Variants in ITIH5 observed in about 807,000 individuals in gnomAD.
The protein encoded by ITIH5 is inter-alpha-trypsin inhibitor heavy chain 5, also known as inter-alpha-trypsin inhibitor heavy chain H5.
A neutral mutation model predicts 77.5 loss-of-function variants in ITIH5; 65 were observed. The observed-to-expected ratio is 0.84, with a 90% CI of 0.69 to 1.03. The LOEUF is 1.03. ITIH5 is among the 50% of genes least tolerant of loss of function. The pLI is 0.00. For synonymous variants in ITIH5, 525 were observed against 494.3 expected (o/e 1.06, Z -0.82); for missense variants, 1,208 against 1,213.1 (o/e 1.00, Z 0.06).
intron 2 of ITIH5, among the ~76,000 whole-genome samples, chr10:7,646,390 A>G (rs1293658127): frequency 6.6e-6 from 1 of 152,236 alleles, no homozygotes; most frequent in African/African-American, 2.4e-5. Flanking sequence ...CATTTCCCAG[A>G]GACAATGTTT....
intron 5 of ITIH5, chr10:7,619,662 CA>C: frequency 3.4e-6 from 1 of 294,916 alleles, no homozygotes; most frequent in South Asian, 2.8e-5. Context: ...TACAAGGCGG[CA>C]GGAGCGAGAG....
intron 7 of ITIH5, among the ~76,000 whole-genome samples, chr10:7,604,467 C>T (rs1007511431): frequency 6.6e-6 from 1 of 152,208 alleles, no homozygotes; most frequent in African/African-American, 2.4e-5. Flanking sequence ...ACACGCTCCG[C>T]GTTTTCCTTC....
At chr10:7,663,293 C>T (rs904687159) in intron 1 of ITIH5, among the ~76,000 whole-genome samples, 1 of 152,298 alleles carries the variant, frequency 6.6e-6, no homozygotes, top group African/African-American at 2.4e-5. Flanking sequence ...TAGTCAGAGA[C>T]TTAACTAGGC....
chr10:7,591,983 G>A (rs558370457), intron 7 of ITIH5, among the ~76,000 whole-genome samples: 55 of 152,226 alleles, frequency 3.6e-4, no homozygotes, highest in African/African-American at 1.2e-3. Flanking sequence ...CAATTCTCCC[G>A]CCTCAGCCTC....
At chr10:7,635,216 T>G (rs192623372) in intron 5 of ITIH5, among the ~76,000 whole-genome samples, 2 of 152,356 alleles carry the variant, frequency 1.3e-5, no homozygotes, top group East Asian at 3.9e-4. Flanking sequence ...ATGATCTTAT[T>G]ACAGAGGTAA....
chr10:7,577,891 T>C (rs1288062374), intron 9 of ITIH5, among the ~76,000 whole-genome samples: 1 of 152,202 alleles, frequency 6.6e-6, no homozygotes, highest in Non-Finnish European at 1.5e-5. Flanking sequence ...CCTTCTTTCA[T>C]GAGAATTGAG....
chr10:7,636,429 C>CT (rs1426803011), intron 5 of ITIH5, among the ~76,000 whole-genome samples: 1 of 152,110 alleles, frequency 6.6e-6, no homozygotes, highest in African/African-American at 2.4e-5. Flanking sequence ...TCTCATACCC[C>CT]TGATACAAAA....
intron 2 of ITIH5, among the ~76,000 whole-genome samples, chr10:7,643,542 A>T (rs1049458398): frequency 6.6e-6 from 1 of 152,208 alleles, no homozygotes; most frequent in Non-Finnish European, 1.5e-5. Context: ...CGTCCTGCTC[A>T]TAATTGTGTG....
chr10:7,654,121 C>A (rs1169364860), intron 2 of ITIH5, among the ~76,000 whole-genome samples: 1 of 152,198 alleles, frequency 6.6e-6, no homozygotes, highest in Non-Finnish European at 1.5e-5. Context: ...CACGCCACTG[C>A]ACTCCAGCCT....
intron 7 of ITIH5, chr10:7,600,713 C>T: frequency 2.5e-6 from 1 of 394,022 alleles, no homozygotes; most frequent in Non-Finnish European, 5.1e-6. Flanking sequence ...GAAATCCTAA[C>T]ACCCAAGGTG....
At position 7,637,472 on chromosome 10, in the gene ITIH5, C is replaced by T. The variant is rs1276693757; in HGVS notation, c.408G>A (p.Lys136=). 2 of 1,613,552 alleles carry T rather than the reference C, an allele frequency of 1.2e-6. No individual in the cohort carries two copies. Among genetic ancestry groups the T allele is most frequent in the Non-Finnish European group, 1.7e-6 (2 of 1,179,930 alleles). Residue 136 remains lysine (K), a synonymous_variant, in exon 5 of 14, where the codon AAG becomes AAA. Coordinates refer to ENST00000397146, the MANE Select transcript of ITIH5 (RefSeq NM_030569.7). ...RNKTTEENGE[K]GTEIFRASAV... ...CAGAAGCTCTGAATATTTCAGTCCCCTTCTCTCTGTCAGGAAAAAGGAAAA... is the reference window on the plus strand; with the variant it reads ...CAGAAGCTCTGAATATTTCAGTCCCTTTCTCTCTGTCAGGAAAAAGGAAAA...
rs549799738 is a variant in ITIH5, at chr10:7,566,005, G to T, written c.2527+25C>A. Reference sequence around the variant, plus strand: ...AATGTAACTCTGCCCTCTATGCCCAGCGTGAGGAGAGCGCAGCTTCCTACC... The same window carrying T: ...AATGTAACTCTGCCCTCTATGCCCATCGTGAGGAGAGCGCAGCTTCCTACC... On this transcript the variant is annotated intron_variant, in intron 13 of 13. Transcript: ENST00000397146. 7.0e-5 allele frequency: 112 copies of T among 1,603,520 alleles called. 1 individual carries two copies. In the South Asian group the frequency reaches 1.2e-3, roughly 17 times the overall value.
intron 7 of ITIH5, among the ~76,000 whole-genome samples, chr10:7,608,100 A>G (rs1436098883): frequency 6.6e-6 from 1 of 152,160 alleles, no homozygotes; most frequent in African/African-American, 2.4e-5. Context: ...TCTTTCAGGC[A>G]TGCACTCACT....
At chr10:7,577,709 G>A (rs11255199) in intron 9 of ITIH5, among the ~76,000 whole-genome samples, 79,741 of 152,038 alleles carry the variant, frequency 0.52, 21,188 homozygotes, top group East Asian at 0.77. Context: ...CTTTCAAAAG[G>A]CCTAGAAACC....
chr10:7,567,610 T>G (rs534853912), intron 12 of ITIH5, among the ~76,000 whole-genome samples: 7 of 152,112 alleles, frequency 4.6e-5, no homozygotes, highest in African/African-American at 1.7e-4. Flanking sequence ...GTCCTTGCAA[T>G]AGTTTGCTCA....
intron 8 of ITIH5, among the ~76,000 whole-genome samples, chr10:7,581,707 CT>C (rs1832556039): frequency 8.1e-6 from 1 of 122,742 alleles, no homozygotes; most frequent in South Asian, 3.0e-4. Flanking sequence ...CCCATGTTTT[CT>C]TTTCTTTTCC....
chr10:7,566,844 GGAAGAA>G (rs576015885), intron 12 of ITIH5, among the ~76,000 whole-genome samples: 647 of 17,700 alleles, frequency 0.037, 34 homozygotes, highest in Middle Eastern at 0.06. Context: ...AAGAGGAAGA[GGAAGAA>G]GAAGAAGAAG....
At chr10:7,662,083 T>C (rs11816074) in intron 1 of ITIH5, among the ~76,000 whole-genome samples, 4,019 of 152,038 alleles carry the variant, frequency 0.026, 178 homozygotes, top group African/African-American at 0.092. Flanking sequence ...AGGGGTGGGG[T>C]GCGGTGGCTC....
At chr10:7,604,430 A>T (rs1833081439) in intron 7 of ITIH5, among the ~76,000 whole-genome samples, 1 of 152,026 alleles carries the variant, frequency 6.6e-6, no homozygotes, top group African/African-American at 2.4e-5. Context: ...GCGAGTGGTA[A>T]CTCTCCTGGG....
Sources: allele counts gnomAD v4.1 joint callset (sites outside exome capture counted in the v4.1 genomes callset), GRCh38; gene constraint gnomAD v4.1.1; transcripts MANE v1.5; gene names NCBI Gene and HGNC (gene_info 2026-07-23, HGNC 2026-07-21).